Variants in TANC2 observed in about 807,000 individuals in gnomAD.
TANC2 encodes tetratricopeptide repeat, ankyrin repeat and coiled-coil containing 2.
A neutral mutation model predicts 210.5 loss-of-function variants in TANC2; 26 were observed. That is an observed-to-expected ratio of 0.12 (90% CI 0.09 to 0.17). The LOEUF (loss-of-function observed/expected upper bound fraction) is 0.17, where lower values mean the gene tolerates loss of function less well. Among genes scored for constraint, TANC2 ranks in the 10% least tolerant of loss-of-function variants. The pLI is 1.00. For synonymous variants in TANC2, 931 were observed against 967.1 expected (o/e 0.96, Z 0.69); for missense variants, 2,129 against 2,608.9 (o/e 0.82, Z 4.01).
rs990808340 is a variant in TANC2, at chr17:63,105,056, T to C, written c.322+5699T>C. Among the ~76,000 whole-genome samples the C allele has an allele frequency of 7.9e-5, 12 of 151,668 alleles. 1 individual carries two copies. The highest frequency in any genetic ancestry group is 2.9e-4 in the African/African-American group (12 of 40,948). ...ATAGTTTCTAAAGAGATGTGGGTATTGAGTGTTTATCAGCTATGTCAAATA... is the reference window on the plus strand; with the variant it reads ...ATAGTTTCTAAAGAGATGTGGGTATCGAGTGTTTATCAGCTATGTCAAATA... On this transcript the variant is annotated intron_variant, in intron 4 of 27. Coordinates refer to ENST00000689528, the Ensembl canonical transcript of TANC2.
At chr17:63,200,913 C>G in exon 7 of TANC2, 1 of 1,613,586 alleles carries the variant, frequency 6.2e-7, no homozygotes, top group Non-Finnish European at 8.5e-7. Flanking sequence ...GGGGCTGTTA[C>G]TAGTCCAACC....
chr17:63,099,155 G>T lies in TANC2; in HGVS notation c.140-20G>T, dbSNP rs370535771. 471 of 1,608,300 alleles carry T rather than the reference G, an allele frequency of 2.9e-4. No homozygotes were observed. Among genetic ancestry groups the T allele is most frequent in the Non-Finnish European group, 3.9e-4 (462 of 1,177,136 alleles). On this transcript the variant is annotated intron_variant, in intron 3 of 27. Transcript: ENST00000689528. ...AGGATCTTTTCTCACCAGCTCTTTT[G>T]TTCCATCCCCTTCTAACAGGTGGCA...
At chr17:63,384,374 A>G (rs2047709637) in intron 15 of TANC2, among the ~76,000 whole-genome samples, 1 of 152,090 alleles carries the variant, frequency 6.6e-6, no homozygotes, top group African/African-American at 2.4e-5. Context: ...AATCTTTAAA[A>G]TGGCAATAAT....
chr17:63,306,492 C>T (rs973047721), intron 9 of TANC2, among the ~76,000 whole-genome samples: 1 of 152,138 alleles, frequency 6.6e-6, no homozygotes, highest in Non-Finnish European at 1.5e-5. Flanking sequence ...TGTACTGATA[C>T]AGTGATGGTT....
At chr17:63,378,693 A>G (rs2047505118) in intron 14 of TANC2, among the ~76,000 whole-genome samples, 1 of 152,258 alleles carries the variant, frequency 6.6e-6, no homozygotes, top group African/African-American at 2.4e-5. Flanking sequence ...AATGGGGAAC[A>G]GATGCTATCA....
chr17:63,366,814 C>T (rs1320682232), intron 14 of TANC2, among the ~76,000 whole-genome samples: 1 of 152,092 alleles, frequency 6.6e-6, no homozygotes, highest in African/African-American at 2.4e-5. Context: ...ATTCAGCTTC[C>T]ATGAGAAAGC....
At chr17:63,339,481 A>T (rs2046154892) in intron 11 of TANC2, among the ~76,000 whole-genome samples, 1 of 152,162 alleles carries the variant, frequency 6.6e-6, no homozygotes, top group African/African-American at 2.4e-5. Flanking sequence ...TGATTTTAAG[A>T]CCTACATCTA....
intron 9 of TANC2, chr17:63,305,459 T>G (rs931188305): frequency 3.9e-5 from 6 of 152,188 alleles, no homozygotes; most frequent in African/African-American, 1.4e-4. Context: ...TCACACAGTG[T>G]TATGGTTCTT....
intron 2 of TANC2, among the ~76,000 whole-genome samples, chr17:63,052,926 G>A (rs114596663): frequency 0.011 from 1,739 of 152,272 alleles, 33 homozygotes; most frequent in African/African-American, 0.04. Flanking sequence ...GTTATTTGCA[G>A]TCATTTAAAA....
rs2035764499 is a variant in TANC2 at position 63,055,978 on chromosome 17, A to T, written c.68-17965A>T. Among the ~76,000 whole-genome samples, 2 of 27,820 alleles carry T rather than the reference A, an allele frequency of 7.2e-5. 1 individual carries two copies. 18.3% of individuals were successfully genotyped at this position (27,820 alleles called of 152,430 possible). A position where few individuals can be genotyped will look rare whatever the true frequency, so the allele number is the denominator to read the frequency against. ...CCTCATCTCTACCAAAAAAAAAAAAAAAAAAAAAAAAAATATATATATATA... is the reference window on the plus strand; with the variant it reads ...CCTCATCTCTACCAAAAAAAAAAAATAAAAAAAAAAAAATATATATATATA... On this transcript the variant is annotated intron_variant, in intron 2 of 27. Transcript: ENST00000689528.
At chr17:63,331,856 C>CTGTG (rs765243268) in intron 11 of TANC2, 4,334 of 153,256 alleles carry the variant, frequency 0.028, 107 homozygotes, top group African/African-American at 0.069. Flanking sequence ...GTGTGTGTGT[C>CTGTG]TGTGTGTGTG....
chr17:63,392,979 A>C (rs941753452), intron 17 of TANC2, among the ~76,000 whole-genome samples: 1 of 152,206 alleles, frequency 6.6e-6, no homozygotes, highest in Non-Finnish European at 1.5e-5. Flanking sequence ...TGATAATACT[A>C]TTAACTAATC....
chr17:63,420,984 G>T lies in TANC2; in HGVS notation c.5254G>T (p.Val1752Leu), dbSNP rs201027730. 1 of 1,613,946 alleles carries T rather than the reference G, an allele frequency of 6.2e-7. No homozygotes were observed. The highest frequency in any genetic ancestry group is 1.7e-5 in the Admixed American group (1 of 60,028). ...TTATCAAGGGTCAATTGGGGGAATC[G>T]TAGGGGATGGAAGGCCGGTGCAGCA... is the stretch of plus-strand genomic sequence containing the variant. The change falls in exon 28 of 28, where the codon GTA becomes TTA. Residue 1752 changes from valine to leucine, a missense_variant. Coordinates refer to ENST00000689528, the Ensembl canonical transcript of TANC2. This position sits in a 1 kb window ranked among gnomAD's most constrained non-coding sequence, Gnocchi z 4.2.
chr17:63,354,682 A>G (rs567945535), intron 13 of TANC2, 101 bp from the exon 14 acceptor site: 3 of 1,445,210 alleles, frequency 2.1e-6, no homozygotes, highest in Middle Eastern at 1.8e-4. Flanking sequence ...CTGTTTGGCC[A>G]CTTCGAAGTT....
chr17:63,013,428 G>A (rs2033961971), intron 2 of TANC2, among the ~76,000 whole-genome samples: 1 of 151,968 alleles, frequency 6.6e-6, no homozygotes, highest in Admixed American at 6.6e-5. Context: ...GTACTGGTAT[G>A]CCTAAGAGTA....
intron 2 of TANC2, among the ~76,000 whole-genome samples, chr17:63,013,197 C>T (rs1301956279): frequency 2.6e-5 from 4 of 151,932 alleles, no homozygotes; most frequent in Non-Finnish European, 5.9e-5. Context: ...CTTAGCCACC[C>T]GAGGAGCTGG....
intron 9 of TANC2, among the ~76,000 whole-genome samples, chr17:63,308,197 TC>T (rs1172526852): frequency 6.6e-6 from 1 of 152,204 alleles, no homozygotes; most frequent in Non-Finnish European, 1.5e-5. Flanking sequence ...GTAAATTTCT[TC>T]TTATATTTTA....
In TANC2 at chr17:63,237,943, A is replaced by G. The variant is rs1391526265; in HGVS notation, c.899A>G (p.Tyr300Cys). ...AAATCCAGCATGGACTCCTGTTTGTATCGAGTAGATGAAAACATGACTGCT... is the reference window on the plus strand; with the variant it reads ...AAATCCAGCATGGACTCCTGTTTGTGTCGAGTAGATGAAAACATGACTGCT... Residue 300 changes from tyrosine (Y) to cysteine (C), a missense_variant, in exon 8 of 28, where the codon TAT (tyrosine) becomes TGT (cysteine). Tyr to Cys is a radical substitution (Grantham distance 194). This residue lies in a region of TANC2 where 739 missense variants were observed against 848.0 expected (regional missense o/e 0.87). Transcript: ENST00000689528. 2 of 1,589,262 alleles carry G rather than the reference A, an allele frequency of 1.3e-6. No individual in the cohort carries two copies. The highest frequency in any genetic ancestry group is 8.6e-7 in the Non-Finnish European group (1 of 1,166,948).
At chr17:63,217,178 G>T (rs569964019) in intron 7 of TANC2, among the ~76,000 whole-genome samples, 1 of 152,182 alleles carries the variant, frequency 6.6e-6, no homozygotes, top group Non-Finnish European at 1.5e-5. Context: ...AAGTTCAACC[G>T]AATGTAAGCA....
Sources: gnomAD v4.1 joint callset for allele counts (sites outside exome capture counted in the v4.1 genomes callset) on GRCh38, gnomAD v4.1.1 for gene constraint, gnomAD v4.1.1 regional missense constraint, Gnocchi (gnomAD v3.1) non-coding constraint, MANE v1.5 for transcripts, NCBI Gene and HGNC (gene_info 2026-07-23, HGNC 2026-07-21) for gene names.